SPAG16: variants seen among roughly 807,000 people sequenced by gnomAD.
SPAG16 encodes the protein sperm associated antigen 16.
SPAG16 carries 86 observed loss-of-function variants against 80.4 expected under a neutral mutation model. That is an observed-to-expected ratio of 1.07 (90% CI 0.90 to 1.28). The LOEUF is 1.28. Among genes scored for constraint, SPAG16 ranks in the 50% most tolerant of loss-of-function variants. SPAG16 has a pLI of 0.00. For missense variants in SPAG16, 870 were observed against 765.3 expected (o/e 1.14, Z -1.61); for synonymous variants, 294 against 265.9 (o/e 1.11, Z -1.03).
intron 10 of SPAG16, among the ~76,000 whole-genome samples, chr2:213,676,146 C>T (rs1212276029): frequency 6.6e-6 from 1 of 151,482 alleles, no homozygotes; most frequent in East Asian, 1.9e-4. Context: ...CTCTTTGAAG[C>T]AATTGTGAAT....
chr2:213,548,323 C>A (rs2076679437), intron 10 of SPAG16, among the ~76,000 whole-genome samples: 1 of 152,148 alleles, frequency 6.6e-6, no homozygotes, highest in Non-Finnish European at 1.5e-5. Context: ...CGCCGTTCTC[C>A]TGCCTCAGCC....
chr2:213,487,223 A>G (rs1442562342), intron 9 of SPAG16, among the ~76,000 whole-genome samples: 1 of 152,024 alleles, frequency 6.6e-6, no homozygotes, highest in Non-Finnish European at 1.5e-5. Flanking sequence ...ACTCAGTGAT[A>G]CTGGTATTTT....
intron 10 of SPAG16, among the ~76,000 whole-genome samples, chr2:213,508,019 C>A (rs1018609061): frequency 1.3e-5 from 2 of 152,184 alleles, no homozygotes; most frequent in African/African-American, 4.8e-5. Flanking sequence ...GAAACAATAG[C>A]CATCACATTG....
At chr2:213,415,547 T>C (rs2125411732) in intron 9 of SPAG16, among the ~76,000 whole-genome samples, 1 of 152,248 alleles carries the variant, frequency 6.6e-6, no homozygotes. Flanking sequence ...AGTGTAGGTA[T>C]TGGGAAGAAT....
chr2:213,781,823 C>G (rs1326649923), intron 10 of SPAG16, among the ~76,000 whole-genome samples: 1 of 152,070 alleles, frequency 6.6e-6, no homozygotes, highest in Non-Finnish European at 1.5e-5. Context: ...TCTTTTGGAG[C>G]ATGAAAGTCA....
At chr2:214,304,063 T>C (rs1172336475) in intron 15 of SPAG16, among the ~76,000 whole-genome samples, 1 of 152,180 alleles carries the variant, frequency 6.6e-6, no homozygotes, top group African/African-American at 2.4e-5. Context: ...TATATGTCCA[T>C]GTATTCTCAT....
chr2:214,378,350 T>TG (rs1700252140), intron 15 of SPAG16, among the ~76,000 whole-genome samples: 1 of 152,206 alleles, frequency 6.6e-6, no homozygotes, highest in Non-Finnish European at 1.5e-5. Flanking sequence ...GAAGATGCAT[T>TG]GGCTTAGATA....
intron 10 of SPAG16, among the ~76,000 whole-genome samples, chr2:213,629,736 TG>T (rs2062077711): frequency 6.6e-6 from 1 of 152,190 alleles, no homozygotes; most frequent in Non-Finnish European, 1.5e-5. Flanking sequence ...CCCTAATAGT[TG>T]ACTTCTGGCT....
intron 10 of SPAG16, among the ~76,000 whole-genome samples, chr2:213,683,815 G>T (rs540075792): frequency 1.5e-3 from 231 of 152,132 alleles, no homozygotes; most frequent in African/African-American, 5.2e-3. Context: ...CTAGGCCAGT[G>T]TACTATAATC....
chr2:213,363,051 G>A (rs79085177), intron 7 of SPAG16, among the ~76,000 whole-genome samples: 8,149 of 79,246 alleles, frequency 0.1, 703 homozygotes, highest in African/African-American at 0.28. Flanking sequence ...TTCTGGATGC[G>A]ATTTTGAAAC....
intron 12 of SPAG16, among the ~76,000 whole-genome samples, chr2:213,984,434 G>T (rs2045912009): frequency 1.3e-5 from 2 of 152,028 alleles, no homozygotes; most frequent in African/African-American, 4.8e-5. Flanking sequence ...TTGGAAGAAT[G>T]GATAGCAAAG....
At chr2:214,183,728 T>G (rs1180061506) in intron 15 of SPAG16, among the ~76,000 whole-genome samples, 2 of 152,018 alleles carry the variant, frequency 1.3e-5, no homozygotes, top group Admixed American at 6.6e-5. Context: ...TGGCTGATAA[T>G]ATTTTCGTCA....
intron 10 of SPAG16, among the ~76,000 whole-genome samples, chr2:213,776,622 A>G (rs2069592611): frequency 6.6e-6 from 1 of 152,078 alleles, no homozygotes; most frequent in African/African-American, 2.4e-5. Context: ...GTGAGGGTGA[A>G]ATTTTAAAAA....
At chr2:214,307,100 G>A (rs2125969049) in intron 15 of SPAG16, among the ~76,000 whole-genome samples, 1 of 152,040 alleles carries the variant, frequency 6.6e-6, no homozygotes, top group Non-Finnish European at 1.5e-5. Context: ...GTTTCTTCCT[G>A]GCTCAGTCTC....
intron 10 of SPAG16, among the ~76,000 whole-genome samples, chr2:213,801,234 C>T (rs1270107885): frequency 6.6e-6 from 1 of 152,134 alleles, no homozygotes; most frequent in African/African-American, 2.4e-5. Context: ...TGTGTGCGTG[C>T]GCGCGTGCCC....
At chr2:213,938,136 A>G (rs993799216) in intron 12 of SPAG16, among the ~76,000 whole-genome samples, 2 of 151,952 alleles carry the variant, frequency 1.3e-5, no homozygotes, top group African/African-American at 4.8e-5. Context: ...AACATGATAC[A>G]TTTCTGCTTT....
intron 15 of SPAG16, among the ~76,000 whole-genome samples, chr2:214,154,087 C>T (rs945701169): frequency 6.6e-6 from 1 of 152,140 alleles, no homozygotes; most frequent in African/African-American, 2.4e-5. Flanking sequence ...TAATGTCTCT[C>T]ACCTGGCCTA....
intron 15 of SPAG16, among the ~76,000 whole-genome samples, chr2:214,308,130 A>T (rs1695044355): frequency 6.6e-6 from 1 of 152,098 alleles, no homozygotes; most frequent in Admixed American, 6.6e-5. Flanking sequence ...TTAACCCTTT[A>T]CCATTATGTA....
rs535654017 is a variant in SPAG16, at chr2:214,007,515, T to G, written c.1401-6436T>G. ...TGTTTCCATCTGTTGTCATTTCAAT[T>G]TAATCTGAATAACTTCTTTTCAGCC... On this transcript the variant is annotated intron_variant, in intron 12 of 15. Coordinates refer to ENST00000331683, the MANE Select transcript of SPAG16 (RefSeq NM_024532.5). Among the ~76,000 whole-genome samples, 3 of 152,372 alleles carry G rather than the reference T, an allele frequency of 2.0e-5. No individual in the cohort carries two copies. In the South Asian group the frequency reaches 6.2e-4, roughly 32 times the overall value.
Sources: allele counts gnomAD v4.1 joint callset (sites outside exome capture counted in the v4.1 genomes callset), GRCh38; gene constraint gnomAD v4.1.1; transcripts MANE v1.5; gene names NCBI Gene and HGNC (gene_info 2026-07-23, HGNC 2026-07-21).